Variants in UNC13B observed in about 807,000 individuals in gnomAD.
The protein encoded by UNC13B is unc-13 homolog B.
In UNC13B, 144 loss-of-function variants were observed where a neutral mutation model predicts 211.0. The ratio of observed to expected loss-of-function variants is 0.68; its 90% CI spans 0.60 to 0.78. The LOEUF is 0.78. Among genes scored for constraint, UNC13B ranks in the 30% least tolerant of loss-of-function variants. The pLI, the probability that UNC13B is intolerant of heterozygous loss-of-function variation, is 0.00. For missense variants in UNC13B, 1,777 were observed against 2,002.0 expected (o/e 0.89, Z 2.14); for synonymous variants, 709 against 725.8 (o/e 0.98, Z 0.37).
chr9:35,378,525 A>T, intron 17 of UNC13B, 89 bp downstream of exon 17: 3 of 1,557,440 alleles, frequency 1.9e-6, no homozygotes, highest in Non-Finnish European at 2.6e-6. Flanking sequence ...GAGCTTGAAG[A>T]TTGGGCAAAG....
chr9:35,357,349 T>A (rs1314171639), intron 11 of UNC13B, among the ~76,000 whole-genome samples: 2 of 152,230 alleles, frequency 1.3e-5, no homozygotes, highest in Non-Finnish European at 2.9e-5. Context: ...CATCTTTTCA[T>A]GTGCTCATCA....
intron 1 of UNC13B, among the ~76,000 whole-genome samples, chr9:35,184,619 A>G (rs1268091222): frequency 6.6e-6 from 1 of 152,058 alleles, no homozygotes; most frequent in Admixed American, 6.6e-5. Flanking sequence ...GAGGCAGGAG[A>G]ACCACGGGAG....
At chr9:35,239,859 G>A (rs1825711695) in intron 5 of UNC13B, among the ~76,000 whole-genome samples, 1 of 152,152 alleles carries the variant, frequency 6.6e-6, no homozygotes, top group Non-Finnish European at 1.5e-5. Context: ...CAGACTTCAA[G>A]GTTATCTCTC....
At chr9:35,252,073 G>A (rs1055573985) in intron 6 of UNC13B, among the ~76,000 whole-genome samples, 5 of 152,252 alleles carry the variant, frequency 3.3e-5, no homozygotes, top group African/African-American at 1.2e-4. Flanking sequence ...TTTGCTGATT[G>A]TGTCCCCAGG....
chr9:35,345,857 ACT>A (rs1432135846), intron 11 of UNC13B, among the ~76,000 whole-genome samples: 1 of 152,128 alleles, frequency 6.6e-6, no homozygotes, highest in Non-Finnish European at 1.5e-5. Flanking sequence ...CCCTCATGCC[ACT>A]GTCTTTTAAC....
intron 14 of UNC13B, 123 bp from the exon 15 acceptor site, chr9:35,375,905 G>T: frequency 1.1e-6 from 1 of 902,492 alleles, no homozygotes; most frequent in East Asian, 2.5e-5. Context: ...GCTTGAACCT[G>T]GGAGGTGGAG....
At chr9:35,382,242 GGGCAGCAATTGCCCT>G in intron 20 of UNC13B, 100 bp from the exon 21 acceptor site, 7 of 1,398,062 alleles carry the variant, frequency 5.0e-6, no homozygotes, top group Non-Finnish European at 6.8e-6. Flanking sequence ...AGGCAAGAGA[GGGCAGCAATTGCCCT>G]GGCTGTGCTT....
At chr9:35,262,704 G>T (rs1444176434) in intron 7 of UNC13B, among the ~76,000 whole-genome samples, 3 of 152,134 alleles carry the variant, frequency 2.0e-5, no homozygotes, top group Non-Finnish European at 4.4e-5. Context: ...GTGGAGACGG[G>T]TGGATCACTT....
chr9:35,337,060 A>T (rs1330936239), intron 11 of UNC13B, among the ~76,000 whole-genome samples: 1 of 152,168 alleles, frequency 6.6e-6, no homozygotes, highest in East Asian at 1.9e-4. Context: ...GCAGGTCAAG[A>T]AAGAACTTTG....
intron 1 of UNC13B, among the ~76,000 whole-genome samples, chr9:35,193,069 C>A (rs879707449): frequency 3.9e-5 from 6 of 152,188 alleles, no homozygotes; most frequent in Non-Finnish European, 8.8e-5. Context: ...CTGATTCATG[C>A]AACTCAAGTC....
intron 18 of UNC13B, among the ~76,000 whole-genome samples, chr9:35,380,889 C>A (rs546171971): frequency 6.6e-6 from 1 of 152,284 alleles, no homozygotes; most frequent in East Asian, 1.9e-4. Flanking sequence ...TTTTGTCCCC[C>A]CTCCACACTC....
At chr9:35,381,480 G>A in intron 19 of UNC13B, 76 bp from the exon 20 acceptor site, 1 of 1,499,902 alleles carries the variant, frequency 6.7e-7, no homozygotes, top group East Asian at 2.3e-5. Flanking sequence ...ACATTCTTCT[G>A]GGCTTTACCA....
At chr9:35,399,792 C>G (rs1438272845) in intron 36 of UNC13B, 63 bp downstream of exon 36, 3 of 1,524,364 alleles carry the variant, frequency 2.0e-6, no homozygotes, top group Non-Finnish European at 2.7e-6. Flanking sequence ...TGGCATTCCA[C>G]TCTCCCAGAC....
chr9:35,284,802 T>C (rs1828700383), intron 7 of UNC13B, among the ~76,000 whole-genome samples: 1 of 152,218 alleles, frequency 6.6e-6, no homozygotes, highest in South Asian at 2.1e-4. Context: ...TAGTAGTTGA[T>C]AGGTGAGTTC....
chr9:35,176,025 C>CA (rs10608620), intron 1 of UNC13B, among the ~76,000 whole-genome samples: 102 of 96,142 alleles, frequency 1.1e-3, no homozygotes, highest in African/African-American at 3.9e-3. Context: ...GACTCTGTCT[C>CA]AAAAAAAAAA....
chr9:35,197,820 A>G (rs1445727361), intron 1 of UNC13B, among the ~76,000 whole-genome samples: 2 of 152,152 alleles, frequency 1.3e-5, no homozygotes, highest in Non-Finnish European at 1.5e-5. Context: ...GCCTTCCGCC[A>G]TGATCCTAAG....
chr9:35,251,359 G>T (rs928976389), intron 6 of UNC13B, among the ~76,000 whole-genome samples: 1 of 152,128 alleles, frequency 6.6e-6, no homozygotes, highest in African/African-American at 2.4e-5. Flanking sequence ...GGCCGAGGTG[G>T]TCAGACCACT....
At chr9:35,283,821 C>T (rs1828640068) in intron 7 of UNC13B, among the ~76,000 whole-genome samples, 1 of 152,080 alleles carries the variant, frequency 6.6e-6, no homozygotes, top group South Asian at 2.1e-4. Context: ...ACGTGGCTCT[C>T]TGGGGAAAGA....
chr9:35,223,431 T>G lies in UNC13B; in HGVS notation c.23-4584T>G, dbSNP rs146143600. Among the ~76,000 whole-genome samples, 21 of 152,330 alleles carry G rather than the reference T, an allele frequency of 1.4e-4. No homozygotes were observed. In the East Asian group the frequency reaches 3.7e-3, roughly 27 times the overall value. ...AGCTCACTGTGGTTTTGATTTTAAT[T>G]TTCCTGATGATTAGTACTCTTGAGC... On this transcript the variant is annotated intron_variant, in intron 1 of 39. Coordinates refer to ENST00000635942, the MANE Select transcript of UNC13B (RefSeq NM_001371189.2).
Sources: gnomAD v4.1 joint callset for allele counts (sites outside exome capture counted in the v4.1 genomes callset) on GRCh38, gnomAD v4.1.1 for gene constraint, MANE v1.5 for transcripts, NCBI Gene and HGNC (gene_info 2026-07-23, HGNC 2026-07-21) for gene names.